SLC17A3: variants seen among roughly 807,000 people sequenced by gnomAD.
SLC17A3 encodes solute carrier family 17 member 3.
In SLC17A3, 61 loss-of-function variants were observed where a neutral mutation model predicts 60.3. The observed-to-expected ratio is 1.01, with a 90% confidence interval of 0.82 to 1.25. The LOEUF is 1.25. Ranked by LOEUF, SLC17A3 falls within the 50% of genes most tolerant of loss-of-function variation. The pLI is 0.00. For missense variants in SLC17A3, 624 were observed against 594.9 expected (o/e 1.05, Z -0.51); for synonymous variants, 192 against 208.9 (o/e 0.92, Z 0.70).
chr6:25,845,260 A>ATTT lies in SLC17A3; in HGVS notation c.*40_*41insAAA, dbSNP rs1765152473. Reference sequence around the variant, plus strand: ...TCACGGAAGCCTTCTATTTTATGCAATACGGTGCCTAATGACTTTTCCATC... The same window carrying ATTT: ...TCACGGAAGCCTTCTATTTTATGCAATTTTACGGTGCCTAATGACTTTTCCATC... On this transcript the variant is annotated 3_prime_UTR_variant, in exon 13 of 13. Transcript: ENST00000397060. The ATTT allele has an allele frequency of 3.4e-6, 4 of 1,191,974 alleles. No individual in the cohort carries two copies. The Admixed American group carries it at 6.9e-5, about 21-fold the overall frequency. 73.8% of individuals were successfully genotyped at this position (1,191,974 alleles called of 1,614,324 possible).
chr6:25,863,899 A>G (rs1053825412), intron 2 of SLC17A3, among the ~76,000 whole-genome samples: 3 of 152,100 alleles, frequency 2.0e-5, no homozygotes, highest in African/African-American at 7.2e-5. Flanking sequence ...GAAGTGTAGC[A>G]GCAAACATAG....
intron 5 of SLC17A3, among the ~76,000 whole-genome samples, chr6:25,855,566 C>G (rs59335511): frequency 6.6e-6 from 1 of 152,162 alleles, no homozygotes; most frequent in Non-Finnish European, 1.5e-5. Context: ...CATTCTCACT[C>G]GTCTCTGTAA....
At chr6:25,850,648 G>T (rs1482592471) in intron 7 of SLC17A3, 28 bp from the exon 8 acceptor site, 5 of 1,613,708 alleles carry the variant, frequency 3.1e-6, no homozygotes, top group Non-Finnish European at 4.2e-6. Context: ...GGTCATAACG[G>T]TAAATCCGAC....
intron 6 of SLC17A3, among the ~76,000 whole-genome samples, chr6:25,852,952 G>T (rs1419022538): frequency 6.6e-6 from 1 of 152,124 alleles, no homozygotes; most frequent in African/African-American, 2.4e-5. Context: ...TTTGTTTTGG[G>T]ATATGATTAA....
chr6:25,850,206 A>G (rs760037222), intron 8 of SLC17A3, 29 bp from the exon 9 acceptor site: 11 of 1,607,694 alleles, frequency 6.8e-6, no homozygotes, highest in Non-Finnish European at 8.5e-6. Flanking sequence ...GTAAATTACC[A>G]TAATAAAGGC....
intron 1 of SLC17A3, among the ~76,000 whole-genome samples, chr6:25,870,625 C>G (rs980901359): frequency 6.6e-6 from 1 of 151,998 alleles, no homozygotes; most frequent in Non-Finnish European, 1.5e-5. Flanking sequence ...CATTCTTGAA[C>G]TTGGTTATAT....
At chr6:25,871,704 A>G (rs1384723176) in intron 1 of SLC17A3, among the ~76,000 whole-genome samples, 1 of 152,092 alleles carries the variant, frequency 6.6e-6, no homozygotes, top group African/African-American at 2.4e-5. Context: ...ACAAGTTCTT[A>G]GTTTCCCCTT....
At chr6:25,871,332 CT>C (rs1468669894) in intron 1 of SLC17A3, among the ~76,000 whole-genome samples, 2 of 152,052 alleles carry the variant, frequency 1.3e-5, no homozygotes, top group East Asian at 3.9e-4. Context: ...AGTTCATGTC[CT>C]TTGTAGGGAC....
rs56027330 is a variant in SLC17A3 at position 25,850,617 on chromosome 6, C to T, written c.835G>A (p.Gly279Arg). 0.11 allele frequency: 181,034 copies of T among 1,613,334 alleles called. 11,020 individuals are homozygous for T. Among genetic ancestry groups the T allele is most frequent in the Middle Eastern group, 0.13 (814 of 6,062 alleles). Residue 279 changes from glycine to arginine, a missense_variant, in exon 8 of 13, where the codon GGG becomes AGG. By Grantham distance (125) the Gly-to-Arg change is moderately radical. Coordinates refer to ENST00000397060, the MANE Select transcript of SLC17A3 (RefSeq NM_001098486.2). ...ATGGGAAGAGGCTGCTTAGAAGACC[C>T]GACCTGAAAACAAATTTACTGGTCA... ...YIISSLKQQV[G>R]SSKQPLPIKA...
At chr6:25,856,971 G>A (rs373258424) in intron 5 of SLC17A3, among the ~76,000 whole-genome samples, 20 of 152,094 alleles carry the variant, frequency 1.3e-4, no homozygotes, top group African/African-American at 4.6e-4. Context: ...ATCAGTTGAG[G>A]CCAGGAATTC....
rs552396355 is a variant in SLC17A3 at position 25,846,697 on chromosome 6, G to A, written c.1363-1181C>T. Among the ~76,000 whole-genome samples, 28 of 152,114 alleles carry A rather than the reference G, an allele frequency of 1.8e-4. 1 individual carries two copies. The South Asian group carries it at 4.2e-3, about 23-fold the overall frequency. ...ACGATCTCGGCTCACTGCAGCCTCC[G>A]CCTCCTGGGTTCAAGCAATTCTCCT... On this transcript the variant is annotated intron_variant, in intron 11 of 12. Coordinates refer to ENST00000397060, the MANE Select transcript of SLC17A3 (RefSeq NM_001098486.2).
At chr6:25,871,382 C>T (rs111915606) in intron 1 of SLC17A3, among the ~76,000 whole-genome samples, 17,948 of 151,160 alleles carry the variant, frequency 0.12, 1,311 homozygotes, top group South Asian at 0.19. Context: ...AGCAAAATAT[C>T]GCAAGGACAA....
intron 5 of SLC17A3, among the ~76,000 whole-genome samples, chr6:25,857,818 C>T (rs1765383392): frequency 1.3e-5 from 2 of 152,158 alleles, no homozygotes; most frequent in African/African-American, 2.4e-5. Context: ...TTTGCCTTTG[C>T]TTTGACTATA....
intron 1 of SLC17A3, among the ~76,000 whole-genome samples, chr6:25,873,726 A>G (rs1303219009): frequency 3.9e-5 from 6 of 152,104 alleles, no homozygotes. Flanking sequence ...TATAATAGAA[A>G]TAATTATTAT....
Position 25,847,867 on chromosome 6 carries a change from G to A in SLC17A3, c.1362+1507C>T, listed in dbSNP as rs1056510037. Among the ~76,000 whole-genome samples, 9 of 152,060 alleles carry A rather than the reference G, an allele frequency of 5.9e-5. 1 individual carries two copies. Among genetic ancestry groups the A allele is most frequent in the Non-Finnish European group, 1.2e-4 (8 of 67,998 alleles). On this transcript the variant is annotated intron_variant, in intron 11 of 12. Coordinates refer to ENST00000397060, the MANE Select transcript of SLC17A3 (RefSeq NM_001098486.2). The stretch of plus-strand genomic sequence containing the variant: ...TCACCCAATCAGAATACACTGAACC[G>A]GATTTGTAGTCTTTTAACCCTTACC...
intron 6 of SLC17A3, among the ~76,000 whole-genome samples, chr6:25,853,438 C>CA (rs1221992414): frequency 3.6e-4 from 35 of 97,726 alleles, no homozygotes; most frequent in Admixed American, 8.0e-4. Flanking sequence ...TTTTTGGAGA[C>CA]AGAGTCTCGC....
chr6:25,859,179 C>T (rs1217123206), intron 5 of SLC17A3, among the ~76,000 whole-genome samples: 1 of 152,050 alleles, frequency 6.6e-6, no homozygotes, highest in Non-Finnish European at 1.5e-5. Flanking sequence ...AAGTAATTTA[C>T]TAAGAATACC....
chr6:25,868,454 T>C (rs941609473), intron 1 of SLC17A3, 34 bp from the exon 2 acceptor site: 4 of 1,347,314 alleles, frequency 3.0e-6, no homozygotes, highest in Non-Finnish European at 3.2e-6. Context: ...CATGCATCAG[T>C]TGAGAGAAAG....
chr6:25,849,553 T>C, intron 10 of SLC17A3, 89 bp from the exon 11 acceptor site: 1 of 811,620 alleles, frequency 1.2e-6, no homozygotes, highest in Non-Finnish European at 2.1e-6. Flanking sequence ...TATAACTCAA[T>C]TATATTTCAC....
Sources: allele counts gnomAD v4.1 joint callset (sites outside exome capture counted in the v4.1 genomes callset), GRCh38; gene constraint gnomAD v4.1.1; transcripts MANE v1.5; gene names NCBI Gene and HGNC (gene_info 2026-07-23, HGNC 2026-07-21).